DNAJC6: variants seen among roughly 807,000 people sequenced by gnomAD.
DNAJC6 encodes the protein DnaJ heat shock protein family (Hsp40) member C6.
Under a neutral mutation model 110.0 loss-of-function variants are expected in DNAJC6, and 34 were observed. That is an observed-to-expected ratio of 0.31 (90% confidence interval 0.24 to 0.41). DNAJC6 has a LOEUF of 0.41. DNAJC6 is among the 10% of genes least tolerant of loss of function. DNAJC6 has a pLI of 1.00. For missense variants in DNAJC6, 1,031 were observed against 1,207.8 expected (o/e 0.85, Z 2.17); for synonymous variants, 406 against 437.2 (o/e 0.93, Z 0.89).
At chr1:65,362,152 A>C (rs1355546748) in intron 1 of DNAJC6, among the ~76,000 whole-genome samples, 1 of 22,624 alleles carries the variant, frequency 4.4e-5, no homozygotes, top group African/African-American at 7.5e-4. Flanking sequence ...TGTGATTGGA[A>C]GGGTTGCCTG....
At chr1:65,360,481 CT>C (rs1557541006) in intron 1 of DNAJC6, among the ~76,000 whole-genome samples, 2 of 152,098 alleles carry the variant, frequency 1.3e-5, no homozygotes, top group Admixed American at 1.3e-4. Flanking sequence ...GAAGAGACAT[CT>C]AATCAATTTG....
At chr1:65,351,486 G>A (rs933475247) in intron 1 of DNAJC6, among the ~76,000 whole-genome samples, 9 of 152,166 alleles carry the variant, frequency 5.9e-5, no homozygotes, top group Admixed American at 1.3e-4. Flanking sequence ...CCAGCTTTCT[G>A]AGGAATTGTC....
chr1:65,362,647 A>G (rs1449513755), intron 1 of DNAJC6, among the ~76,000 whole-genome samples: 1 of 152,208 alleles, frequency 6.6e-6, no homozygotes, highest in African/African-American at 2.4e-5. Flanking sequence ...GATGGGAAGA[A>G]AGAGATTTAG....
intron 1 of DNAJC6, among the ~76,000 whole-genome samples, chr1:65,313,789 A>T (rs1335116696): frequency 3.3e-5 from 5 of 152,218 alleles, no homozygotes; most frequent in African/African-American, 1.2e-4. Context: ...TGTGACTTCC[A>T]GAGCTCTCTG....
chr1:65,333,118 C>T (rs1645303297), intron 1 of DNAJC6, among the ~76,000 whole-genome samples: 1 of 152,048 alleles, frequency 6.6e-6, no homozygotes. Context: ...TTCACCTGCT[C>T]ATATTAAGAA....
intron 1 of DNAJC6, among the ~76,000 whole-genome samples, chr1:65,345,229 CGTGTGTGT>C (rs55934054): frequency 1.7e-3 from 249 of 143,938 alleles, no homozygotes; most frequent in African/African-American, 6.1e-3. Flanking sequence ...CTCTCCCTTT[CGTGTGTGT>C]GTGTGTGTGT....
At chr1:65,313,646 G>A (rs1536170) in intron 1 of DNAJC6, among the ~76,000 whole-genome samples, 111,642 of 151,976 alleles carry the variant, frequency 0.73, 41,016 homozygotes, top group East Asian at 0.83. Flanking sequence ...TTGTTGAAAT[G>A]GAAACATTTT....
At position 65,266,219 on chromosome 1, in the gene DNAJC6, T is replaced by C. The variant is rs1242482904; in HGVS notation, c.-131+1287T>C. 4.6e-5 allele frequency among the ~76,000 whole-genome samples: 7 copies of C among 151,996 alleles called. No individual in the cohort carries two copies. In the South Asian group the frequency reaches 6.2e-4, roughly 13 times the overall value. ...GTCAGCCACCGTCTCTGGCTTGTTA[T>C]AGGATTCCCACCTCGTGGTGGGCAA... On this transcript the variant is annotated intron_variant, in intron 1 of 19. Coordinates refer to the DNAJC6 transcript ENST00000263441.
intron 1 of DNAJC6, among the ~76,000 whole-genome samples, chr1:65,330,624 T>C (rs1645279952): frequency 6.6e-6 from 1 of 152,068 alleles, no homozygotes; most frequent in Non-Finnish European, 1.5e-5. Flanking sequence ...GCCGCCACCA[T>C]GCCCAGCTAA....
rs1359963867 is a variant in DNAJC6 at position 65,309,812 on chromosome 1, G to T, written c.67G>T (p.Asp23Tyr). 1 of 1,549,636 alleles carries T rather than the reference G, an allele frequency of 6.5e-7. No homozygotes were observed. The highest frequency in any genetic ancestry group is 8.7e-7 in the Non-Finnish European group (1 of 1,146,582). ...TGGTTATGAATCTTTGCAGCTGGTG[G>T]ACAGTAACGGGGACTTAAGTGCGGG... The part of the protein sequence containing the change: ...NDGYESLQLV[D>Y]SNGDLSAGSG... Residue 23 changes from aspartate to tyrosine, a missense_variant, in exon 1 of 19, where the codon GAC becomes TAC. Transcript: ENST00000371069.
upstream of DNAJC6, among the ~76,000 whole-genome samples, chr1:65,309,212 C>T (rs1645072103): frequency 6.6e-6 from 1 of 151,990 alleles, no homozygotes; most frequent in African/African-American, 2.4e-5. Flanking sequence ...CACACGCGTG[C>T]GAACACACCC....
At position 65,309,951 on chromosome 1, in the gene DNAJC6, G is replaced by T. The variant is rs1175694712; in HGVS notation, c.193+13G>T. 7.0e-7 allele frequency: 1 copy of T among 1,438,108 alleles called. No individual in the cohort carries two copies. Among genetic ancestry groups the T allele is most frequent in the South Asian group, 1.5e-5 (1 of 68,048 alleles). 89.1% of individuals were successfully genotyped at this position (1,438,108 alleles called of 1,614,324 possible). A position where few individuals can be genotyped will look rare whatever the true frequency, so the allele number is the denominator to read the frequency against. On this transcript the variant is annotated intron_variant, in intron 1 of 18. Coordinates refer to ENST00000371069, the MANE Select transcript of DNAJC6 (RefSeq NM_001256864.2). Reference sequence around the variant, plus strand: ...ATGGACAGCTCAGGTAGCGCTGCCCGAGGGGAGTGCAGCGCTGAGCCCCGC... The same window carrying T: ...ATGGACAGCTCAGGTAGCGCTGCCCTAGGGGAGTGCAGCGCTGAGCCCCGC...
chr1:65,406,051 C>T lies in DNAJC6; in HGVS notation c.2409C>T (p.Pro803=). The change falls in exon 16 of 19, where the codon CCC becomes CCT. Residue 803 remains proline, a synonymous_variant. Transcript: ENST00000371069. ...AGCCCAGCATGCCCCACTCCTCTCC[C>T]CAGAACCGACCCAACTACAACGTGA... is the stretch of plus-strand genomic sequence containing the variant. ...KPQPSMPHSS[P]QNRPNYNVSF... The T allele has an allele frequency of 6.2e-7, 1 of 1,614,160 alleles. No homozygotes were observed. Among genetic ancestry groups the T allele is most frequent in the Non-Finnish European group, 8.5e-7 (1 of 1,180,038 alleles).
At chr1:65,338,952 A>G (rs1470570539) in intron 1 of DNAJC6, among the ~76,000 whole-genome samples, 1 of 152,166 alleles carries the variant, frequency 6.6e-6, no homozygotes, top group African/African-American at 2.4e-5. Flanking sequence ...CTTTGCTCTC[A>G]GGTGCTCTCC....
intron 13 of DNAJC6, among the ~76,000 whole-genome samples, chr1:65,395,300 A>T (rs1214718798): frequency 6.6e-6 from 1 of 152,228 alleles, no homozygotes; most frequent in Non-Finnish European, 1.5e-5. Context: ...CAGAATCATA[A>T]ATGACCCTTG....
Position 65,413,005 on chromosome 1 carries a change from G to T in DNAJC6, c.2893G>T (p.Gly965Cys). Residue 965 changes from glycine to cysteine, a missense_variant, in exon 19 of 19, where the codon GGC becomes TGC. Physicochemically the swap from Gly to Cys is radical, Grantham distance 159. Coordinates refer to ENST00000371069, the MANE Select transcript of DNAJC6 (RefSeq NM_001256864.2). ...TGCCTGGTCTGAATTTGAAAACCAA[G>T]GCCAAAAGCCCTTATATTAATTTAT... ...NDAWSEFENQ[G>C]QKPLY The T allele has an allele frequency of 6.2e-7, 1 of 1,613,986 alleles. No homozygotes were observed. The highest frequency in any genetic ancestry group is 8.5e-7 in the Non-Finnish European group (1 of 1,179,940).
chr1:65,331,256 AGGAAAAGTGG>A (rs1645286479), intron 1 of DNAJC6, among the ~76,000 whole-genome samples: 1 of 152,210 alleles, frequency 6.6e-6, no homozygotes, highest in Non-Finnish European at 1.5e-5. Context: ...TTCCATTTCT[AGGAAAAGTGG>A]CAAAGCAGGA....
At chr1:65,297,528 A>G (rs1227042291) in intron 1 of DNAJC6, among the ~76,000 whole-genome samples, 2 of 152,374 alleles carry the variant, frequency 1.3e-5, no homozygotes, top group Non-Finnish European at 2.9e-5. Flanking sequence ...TGCAAAAATT[A>G]TAACAGTGAG....
rs1252716049 is a variant in DNAJC6, at chr1:65,411,237, T to C, written c.2635-13T>C. ...TAAGCATTTGAATTTCTTAATCCCC[T>C]TTGTGTTTACAGATTCTGGAATGGA... On this transcript the variant is annotated splice_polypyrimidine_tract_variant and intron_variant, in intron 17 of 18. Transcript: ENST00000371069. 3 of 1,608,932 alleles carry C rather than the reference T, an allele frequency of 1.9e-6. No homozygotes were observed. Among genetic ancestry groups the C allele is most frequent in the African/African-American group, 2.7e-5 (2 of 74,798 alleles).
Sources: allele counts gnomAD v4.1 joint callset (sites outside exome capture counted in the v4.1 genomes callset), GRCh38; gene constraint gnomAD v4.1.1; transcripts MANE v1.5; gene names NCBI Gene and HGNC (gene_info 2026-07-23, HGNC 2026-07-21).